Variants in FLG observed in about 807,000 individuals in gnomAD.
FLG encodes the protein filaggrin, also known as epidermal filaggrin.
FLG carries 6 observed loss-of-function variants against 3.8 expected under a neutral mutation model. The ratio of observed to expected loss-of-function variants is 1.60; its 90% CI spans 0.87 to 3.15. The LOEUF is 3.15. FLG is among the 30% of genes most tolerant of loss of function. FLG has a pLI of 0.00. For synonymous variants in FLG, 2,551 were observed against 1,931.6 expected, an observed-to-expected ratio of 1.32 and a Z score of -8.41; for missense variants, 7,595 against 5,050.9, an observed-to-expected ratio of 1.50 and a Z score of -15.27.
At position 152,305,389 on chromosome 1, in the gene FLG, C is replaced by A; in HGVS notation, c.9497G>T (p.Arg3166Leu). Reference protein sequence around the residue: ...SGSRSASRTTRNEEQSGDSSR... With the variant: ...SGSRSASRTTLNEEQSGDSSR... ...GCTGTCTCCTGATTGTTCCTCATTACGTGTTGTTCTGCTTGCACTTCTGGA... is the reference window on the plus strand; with the variant it reads ...GCTGTCTCCTGATTGTTCCTCATTAAGTGTTGTTCTGCTTGCACTTCTGGA... Residue 3166 changes from arginine (R) to leucine (L), a missense_variant, in exon 3 of 3, where the codon CGT becomes CTT. Arg to Leu is a moderately radical substitution (Grantham distance 102). Transcript: ENST00000368799. 1 of 1,605,786 alleles carries A rather than the reference C, an allele frequency of 6.2e-7. No homozygotes were observed.
In FLG at chr1:152,314,286, T is replaced by G. The variant is rs1465815396; in HGVS notation, c.600A>C (p.Leu200=). The change falls in exon 3 of 3, where the codon CTA becomes CTC. Residue 200 remains leucine (L), a synonymous_variant. Coordinates refer to ENST00000368799, the MANE Select transcript of FLG (RefSeq NM_002016.2). The stretch of plus-strand genomic sequence containing the variant: ...CTTCTTTCTCTTCAAGTCTTTCACT[T>G]AGCCTCTTCCTATTGTCTCCTAATC... ...NTRLGDNRKR[L]SERLEEKEDN... is the part of the protein sequence containing the mutation. 1.2e-6 allele frequency: 2 copies of G among 1,613,616 alleles called. No homozygotes were observed. The highest frequency in any genetic ancestry group is 1.7e-6 in the Non-Finnish European group (2 of 1,179,944).
rs146249485 is a variant in FLG, at chr1:152,309,059, G to A, written c.5827C>T (p.Leu1943Phe). 2 of 1,614,036 alleles carry A rather than the reference G, an allele frequency of 1.2e-6. No homozygotes were observed. Among genetic ancestry groups the A allele is most frequent in the Non-Finnish European group, 1.7e-6 (2 of 1,180,020 alleles). Residue 1943 changes from leucine to phenylalanine, a missense_variant, in exon 3 of 3, where the codon CTT (leucine) becomes TTT (phenylalanine). By Grantham distance (22) the Leu-to-Phe change is conservative. Transcript: ENST00000368799. ...CTTGACTGCTCCCAAGCAGATCCAA[G>A]ATGGTTTCTGGAAGCAGACCCAGAC... ...RWSGSASRNH[L>F]GSAWEQSRDG...
chr1:152,309,747 C>A lies in FLG; in HGVS notation c.5139G>T (p.Gly1713=), dbSNP rs535289157. ...TGTCACTGGCCTGGCTACCACTGGACCCTCGGTTTCCACTGTCTCCGACTA... is the reference window on the plus strand; with the variant it reads ...TGTCACTGGCCTGGCTACCACTGGAACCTCGGTTTCCACTGTCTCCGACTA... The part of the protein sequence containing the change: ...SSVVGDSGNR[G]SSGSQASDSE... Residue 1713 remains glycine, a synonymous_variant, in exon 3 of 3, where the codon GGG becomes GGT. Transcript: ENST00000368799. 6.2e-7 allele frequency: 1 copy of A among 1,613,724 alleles called. No individual in the cohort carries two copies.
Position 152,310,316 on chromosome 1 carries a change from G to A in FLG, c.4570C>T (p.Pro1524Ser), listed in dbSNP as rs142928947. 7.4e-5 allele frequency: 120 copies of A among 1,613,746 alleles called. 1 individual carries two copies. In the African/African-American group the frequency reaches 1.2e-3, roughly 16 times the overall value. ...HSGYHHSHTT[P>S]QGRSDASHGQ... ...TGGGAGGCATCAGACCTTCCCTGGG[G>A]TGTGGTGTGGCTGTGATGGTACCCT... The change falls in exon 3 of 3, where the codon CCC becomes TCC. Residue 1524 changes from proline to serine, a missense_variant. Transcript: ENST00000368799.
In FLG at chr1:152,302,616, C is replaced by T. The variant is rs1651678236; in HGVS notation, c.*84G>A. On this transcript the variant is annotated 3_prime_UTR_variant, in exon 3 of 3. Transcript: ENST00000368799. The stretch of plus-strand genomic sequence containing the variant: ...AGATTGACAGGAAAAGATAACTTCC[C>T]TGAAAGTATTATGAAGTTTCTTGAT... The T allele has an allele frequency of 3.2e-6, 5 of 1,544,960 alleles. No homozygotes were observed. Among genetic ancestry groups the T allele is most frequent in the South Asian group, 2.4e-5 (2 of 83,294 alleles).
In FLG at chr1:152,305,570, C is replaced by T. The variant is rs1362733548; in HGVS notation, c.9316G>A (p.Gly3106Ser). The part of the protein sequence containing the change: ...DSSRHSASQY[G>S]QDTIRGHPGS... ...GGGTGTCCACGAATGGTGTCCTGAC[C>T]GTATTGGGATGCTGAGTGCCTGGAG... The change falls in exon 3 of 3, where the codon GGT becomes AGT. Residue 3106 changes from glycine to serine, a missense_variant. Gly to Ser is a moderately conservative substitution (Grantham distance 56, BLOSUM62 0). Transcript: ENST00000368799. 2.7e-5 allele frequency: 41 copies of T among 1,507,818 alleles called. 6 individuals are homozygous for T. Among genetic ancestry groups the T allele is most frequent in the East Asian group, 7.7e-5 (3 of 38,794 alleles). 93.4% of individuals were successfully genotyped at this position (1,507,818 alleles called of 1,614,324 possible).
In FLG at chr1:152,305,005, G is replaced by T; in HGVS notation, c.9881C>A (p.Ala3294Glu). ...GTGTCTCTCTCCTGGACTTGATCTT[G>T]CCTGTTCATGGGATGATGCAGCCTG... ...GGQAASSHEQ[A>E]RSSPGERHGS... The change falls in exon 3 of 3, where the codon GCA becomes GAA. Residue 3294 changes from alanine to glutamate, a missense_variant. By Grantham distance (107) the Ala-to-Glu change is moderately radical. Coordinates refer to ENST00000368799, the MANE Select transcript of FLG (RefSeq NM_002016.2). 2 of 1,613,890 alleles carry T rather than the reference G, an allele frequency of 1.2e-6. No individual in the cohort carries two copies. The highest frequency in any genetic ancestry group is 1.7e-6 in the Non-Finnish European group (2 of 1,179,974).
Position 152,311,047 on chromosome 1 carries a change from G to A in FLG, c.3839C>T (p.Ser1280Leu). ...CCCAGACAACCTCTCGGAGTCGTCTGAGTGTCTCTCACTGTCACTGTCCTG... is the reference window on the plus strand; with the variant it reads ...CCCAGACAACCTCTCGGAGTCGTCTAAGTGTCTCTCACTGTCACTGTCCTG... ...VSQDSDSERH[S>L]DDSERLSGSA... is the part of the protein sequence containing the mutation. The change falls in exon 3 of 3, where the codon TCA becomes TTA. Residue 1280 changes from serine to leucine, a missense_variant. Transcript: ENST00000368799. 6.2e-7 allele frequency: 1 copy of A among 1,613,962 alleles called. No individual in the cohort carries two copies. The highest frequency in any genetic ancestry group is 8.5e-7 in the Non-Finnish European group (1 of 1,179,990).
rs986554144 is a variant in FLG, at chr1:152,307,539, G to C, written c.7347C>G (p.Ser2449Arg). Residue 2449 changes from serine to arginine, a missense_variant, in exon 3 of 3, where the codon AGC becomes AGG. Coordinates refer to ENST00000368799, the MANE Select transcript of FLG (RefSeq NM_002016.2). ...CCTCTTGGGACGTTGAGTGCCTGGAGCTGTCTCGTGCCTGCTTGTGGTGGG... is the reference window on the plus strand; with the variant it reads ...CCTCTTGGGACGTTGAGTGCCTGGACCTGTCTCGTGCCTGCTTGTGGTGGG... ...QGSHHKQARD[S>R]SRHSTSQEGQ... 2 of 1,613,802 alleles carry C rather than the reference G, an allele frequency of 1.2e-6. No homozygotes were observed. The highest frequency in any genetic ancestry group is 2.7e-5 in the African/African-American group (2 of 74,956).
At position 152,313,847 on chromosome 1, in the gene FLG, C is replaced by CATG; in HGVS notation, c.1036_1038dup (p.His346dup). The CATG allele has an allele frequency of 6.2e-7, 1 of 1,614,152 alleles. No homozygotes were observed. Among genetic ancestry groups the CATG allele is most frequent in the Non-Finnish European group, 8.5e-7 (1 of 1,180,020 alleles). Reference sequence around the variant, plus strand: ...TGTCTGGAGCTGTCTGCAGAGTGCCCATGACTGGCTCTGTCTTCATCATGG... The same window carrying CATG: ...TGTCTGGAGCTGTCTGCAGAGTGCCCATGATGACTGGCTCTGTCTTCATCATGG... On this transcript the variant is annotated inframe_insertion, in exon 3 of 3. Transcript: ENST00000368799.
intron 1 of FLG, among the ~76,000 whole-genome samples, chr1:152,317,367 C>T (rs1466070791): frequency 6.6e-6 from 1 of 152,028 alleles, no homozygotes; most frequent in Non-Finnish European, 1.5e-5. Context: ...TTCTTGTTTT[C>T]CTTTACTCAA....
rs1652026465 is a variant in FLG at position 152,307,177 on chromosome 1, T to C, written c.7709A>G (p.Asp2570Gly). The stretch of plus-strand genomic sequence containing the variant: ...TTCTGAGTGTCCCTGACTGTCACTG[T>C]CCTGGCTAAAACTGGATCCCCAGTT... ...SRNWGSSFSQ[D>G]SDSQGHSEDS... Residue 2570 changes from aspartate (D) to glycine (G), a missense_variant, in exon 3 of 3, where the codon GAC becomes GGC. Physicochemically the swap from Asp to Gly is moderately conservative, Grantham distance 94. Transcript: ENST00000368799. 6.2e-7 allele frequency: 1 copy of C among 1,612,814 alleles called. No homozygotes were observed. The highest frequency in any genetic ancestry group is 2.2e-5 in the East Asian group (1 of 44,798).
chr1:152,303,041 T>C lies in FLG; in HGVS notation c.11845A>G (p.Ser3949Gly), dbSNP rs749535757. The C allele has an allele frequency of 1.2e-6, 2 of 1,614,222 alleles. No individual in the cohort carries two copies. Among genetic ancestry groups the C allele is most frequent in the East Asian group, 4.5e-5 (2 of 44,884 alleles). The change falls in exon 3 of 3, where the codon AGT (serine) becomes GGT (glycine). Residue 3949 changes from serine (S) to glycine (G), a missense_variant. Ser to Gly is a moderately conservative substitution (Grantham distance 56, BLOSUM62 0). Transcript: ENST00000368799. ...AYHSGIQSRG[S>G]PHSSSSYHYQ... is the part of the protein sequence containing the mutation. The stretch of plus-strand genomic sequence containing the variant: ...TGATAAGAACTAGAACTGTGAGGAC[T>C]GCCACGTGACTGTATTCCTGAGTGA...
In FLG at chr1:152,305,145, T is replaced by A. The variant is rs758592658; in HGVS notation, c.9741A>T (p.Ser3247=). ...RNHRGSVQEQ[S]RHGSRHPRSH... ...ACCTGGGGTGTCTGGAGCCGTGCCTTGACTGCTCCTGAACAGATCCACGAT... is the reference window on the plus strand; with the variant it reads ...ACCTGGGGTGTCTGGAGCCGTGCCTAGACTGCTCCTGAACAGATCCACGAT... Residue 3247 remains serine, a synonymous_variant, in exon 3 of 3, where the codon TCA becomes TCT. Coordinates refer to ENST00000368799, the MANE Select transcript of FLG (RefSeq NM_002016.2). 1.2e-6 allele frequency: 2 copies of A among 1,613,896 alleles called. No homozygotes were observed. Among genetic ancestry groups the A allele is most frequent in the South Asian group, 1.1e-5 (1 of 91,018 alleles).
At position 152,314,199 on chromosome 1, in the gene FLG, T is replaced by A; in HGVS notation, c.687A>T (p.Gln229His). The A allele has an allele frequency of 6.2e-7, 1 of 1,614,094 alleles. No individual in the cohort carries two copies. Among genetic ancestry groups the A allele is most frequent in the Non-Finnish European group, 8.5e-7 (1 of 1,180,016 alleles). Residue 229 changes from glutamine (Q) to histidine (H), a missense_variant, in exon 3 of 3, where the codon CAA becomes CAT. Transcript: ENST00000368799. ...NTGRMTQKWI[Q>H]SGHIATYYTI... ...TGTAATATGTGGCAATATGGCCTGA[T>A]TGTATCCATTTTTGAGTCATTCTTC...
At position 152,314,689 on chromosome 1, in the gene FLG, T is replaced by A; in HGVS notation, c.197A>T (p.Asn66Ile). 1 of 1,614,022 alleles carries A rather than the reference T, an allele frequency of 6.2e-7. No homozygotes were observed. Among genetic ancestry groups the A allele is most frequent in the Non-Finnish European group, 8.5e-7 (1 of 1,179,932 alleles). The part of the protein sequence containing the change: ...VFMDHLDIDH[N>I]KKIDFTEFLL... ...AAACTCAGTGAAGTCAATTTTCTTG[T>A]TGTGGTCTATATCCAAGTGATCCAT... Residue 66 changes from asparagine to isoleucine, a missense_variant, in exon 3 of 3, where the codon AAC (asparagine) becomes ATC (isoleucine). Asn to Ile is a moderately radical substitution (Grantham distance 149, BLOSUM62 -3). Coordinates refer to ENST00000368799, the MANE Select transcript of FLG (RefSeq NM_002016.2).
Position 152,305,127 on chromosome 1 carries a change from G to T in FLG, c.9759C>A (p.His3253Gln), listed in dbSNP as rs1205771130. ...CTCTGTCTTCGTGATGGGACCTGGG[G>T]TGTCTGGAGCCGTGCCTTGACTGCT... ...VQEQSRHGSR[H>Q]PRSHHEDRAG... is the part of the protein sequence containing the mutation. The change falls in exon 3 of 3, where the codon CAC (histidine) becomes CAA (glutamine). Residue 3253 changes from histidine (H) to glutamine (Q), a missense_variant. Transcript: ENST00000368799. The T allele has an allele frequency of 1.9e-6, 3 of 1,613,850 alleles. No individual in the cohort carries two copies. Among genetic ancestry groups the T allele is most frequent in the Non-Finnish European group, 2.5e-6 (3 of 1,179,992 alleles).
intron 1 of FLG, among the ~76,000 whole-genome samples, chr1:152,321,404 C>A (rs931345076): frequency 6.6e-6 from 1 of 150,748 alleles, no homozygotes; most frequent in Non-Finnish European, 1.5e-5. Context: ...TTTGAAAAAT[C>A]TAATAAAACT....
At position 152,302,329 on chromosome 1, in the gene FLG, G is replaced by A. The variant is rs1651662586; in HGVS notation, c.*371C>T. The A allele has an allele frequency of 3.6e-6, 1 of 279,734 alleles. No homozygotes were observed. The highest frequency in any genetic ancestry group is 5.1e-5 in the Admixed American group (1 of 19,632). 17.3% of individuals were successfully genotyped at this position (279,734 alleles called of 1,614,324 possible). A position where few individuals can be genotyped will look rare whatever the true frequency, so the allele number is the denominator to read the frequency against. ...TATAGCCACTTTGGTATACAGAACT[G>A]TTTTATATTTTTGGCTCCTTCGATA... On this transcript the variant is annotated 3_prime_UTR_variant, in exon 3 of 3. Coordinates refer to ENST00000368799, the MANE Select transcript of FLG (RefSeq NM_002016.2).
Sources: allele counts gnomAD v4.1 joint callset (sites outside exome capture counted in the v4.1 genomes callset), GRCh38; gene constraint gnomAD v4.1.1; transcripts MANE v1.5; gene names NCBI Gene and HGNC (gene_info 2026-07-23, HGNC 2026-07-21).